The following NR2C1 variants were observed in gnomAD, a reference collection of about 807,000 sequenced individuals.
NR2C1 encodes the protein TR2 nuclear hormone receptor.
In NR2C1, 33 loss-of-function variants were observed where a neutral mutation model predicts 74.8. That is an observed-to-expected ratio of 0.44 (90% confidence interval 0.33 to 0.59). The LOEUF (loss-of-function observed/expected upper bound fraction) is 0.59. NR2C1 is among the 20% of genes least tolerant of loss of function. The probability of loss-of-function intolerance (pLI) is 0.02; values close to 1 mark genes in which losing one functional copy is unlikely to be tolerated. For synonymous variants in NR2C1, 225 were observed against 240.6 expected, an observed-to-expected ratio of 0.94 and a Z score of 0.60; for missense variants, 568 against 715.6, an observed-to-expected ratio of 0.79 and a Z score of 2.35.
chr12:95,070,075 G>A (rs1490168052), intron 1 of NR2C1, among the ~76,000 whole-genome samples: 1 of 152,180 alleles, frequency 6.6e-6, no homozygotes, highest in Non-Finnish European at 1.5e-5. Context: ...GATCCAGCCT[G>A]ATAAACTGGC....
chr12:95,058,618 A>G (rs1450593311), intron 4 of NR2C1, 129 bp from the exon 5 acceptor site: 7 of 721,324 alleles, frequency 9.7e-6, no homozygotes, highest in Non-Finnish European at 1.6e-5. Context: ...CATGAAAAAC[A>G]TTTTTAGAAG....
At chr12:95,060,811 C>A (rs909954752) in intron 3 of NR2C1, among the ~76,000 whole-genome samples, 28 of 152,176 alleles carry the variant, frequency 1.8e-4, no homozygotes, top group African/African-American at 6.5e-4. Flanking sequence ...AGGAATACTT[C>A]TGATTTTATG....
intron 1 of NR2C1, chr12:95,072,631 C>T (rs546367428): frequency 4.6e-5 from 7 of 152,080 alleles, no homozygotes; most frequent in African/African-American, 1.4e-4. Context: ...TAAAGGCTGA[C>T]CTACTTACTG....
intron 1 of NR2C1, among the ~76,000 whole-genome samples, chr12:95,072,199 C>T (rs1305933512): frequency 6.6e-6 from 1 of 150,646 alleles, no homozygotes; most frequent in African/African-American, 2.4e-5. Flanking sequence ...GGATCAGAGG[C>T]GGGTACATCA....
At chr12:95,053,965 G>A (rs1873459672) in intron 7 of NR2C1, among the ~76,000 whole-genome samples, 1 of 152,172 alleles carries the variant, frequency 6.6e-6, no homozygotes, top group African/African-American at 2.4e-5. Context: ...TTACAGGCGT[G>A]AGCCACTGTG....
chr12:95,069,893 A>T (rs1876330328), intron 1 of NR2C1, among the ~76,000 whole-genome samples: 1 of 152,050 alleles, frequency 6.6e-6, no homozygotes, highest in Admixed American at 6.6e-5. Context: ...TACACCTTTC[A>T]GTTGATTGAG....
At chr12:95,037,894 CA>C (rs988473049) in intron 10 of NR2C1, among the ~76,000 whole-genome samples, 13,731 of 66,996 alleles carry the variant, frequency 0.2, 418 homozygotes, top group East Asian at 0.26. Context: ...GCCTCCATCT[CA>C]AAAAAAAAAA....
intron 10 of NR2C1, among the ~76,000 whole-genome samples, chr12:95,034,773 G>GT: frequency 6.6e-6 from 1 of 152,168 alleles, no homozygotes; most frequent in East Asian, 1.9e-4. Flanking sequence ...TGCTATACAG[G>GT]TTTGTCCTAG....
Position 95,037,757 on chromosome 12 carries a change from T to C in NR2C1, c.1253+2719A>G, listed in dbSNP as rs1871035979. On this transcript the variant is annotated intron_variant, in intron 10 of 13. Coordinates refer to ENST00000333003, the MANE Select transcript of NR2C1 (RefSeq NM_003297.4). ...AAAAATACAAAAAATTAGCCGGGTG[T>C]GGTTGCAGGTGCCTGTAGTCCCAGC... Among the ~76,000 whole-genome samples the C allele has an allele frequency of 3.9e-5, 6 of 152,192 alleles. No homozygotes were observed. In the South Asian group the frequency reaches 1.2e-3, roughly 32 times the overall value.
chr12:95,030,548 G>C (rs1463455100), intron 11 of NR2C1: 55 of 1,611,718 alleles, frequency 3.4e-5, no homozygotes, highest in Non-Finnish European at 4.5e-5. Context: ...CCAGGGGTAG[G>C]AGTCCATAAG....
intron 1 of NR2C1, among the ~76,000 whole-genome samples, chr12:95,071,391 G>A (rs1349785498): frequency 6.6e-6 from 1 of 152,178 alleles, no homozygotes; most frequent in Non-Finnish European, 1.5e-5. Context: ...AAGACTTCAA[G>A]AGGCTGTAGA....
chr12:95,060,506 T>C (rs552037666), intron 3 of NR2C1, among the ~76,000 whole-genome samples: 1 of 151,948 alleles, frequency 6.6e-6, no homozygotes, highest in South Asian at 2.1e-4. Flanking sequence ...ATACAAAAAA[T>C]TAGCTGGGTG....
At chr12:95,071,219 A>AT (rs1223360647) in intron 1 of NR2C1, among the ~76,000 whole-genome samples, 41 of 150,980 alleles carry the variant, frequency 2.7e-4, no homozygotes, top group Non-Finnish European at 4.6e-4. Flanking sequence ...AAAAAAAAAA[A>AT]TTTTGATTCA....
intron 13 of NR2C1, 61 bp from the exon 14 acceptor site, chr12:95,022,464 G>T (rs77259832): frequency 0.016 from 21,215 of 1,297,192 alleles, 209 homozygotes; most frequent in Middle Eastern, 0.028. Flanking sequence ...AAATTTAGTA[G>T]AAAAATATGA....
In NR2C1 at chr12:95,057,725, C is replaced by G. The variant is rs375051771; in HGVS notation, c.692+6G>C. On this transcript the variant is annotated splice_donor_region_variant and intron_variant, in intron 6 of 13. Coordinates refer to ENST00000333003, the MANE Select transcript of NR2C1 (RefSeq NM_003297.4). ...GACCAGCTACTCAGTGTCTGTTTTA[C>G]TTTACCTTGTACTTTCACTATCTGT... 6.2e-7 allele frequency: 1 copy of G among 1,613,660 alleles called. No homozygotes were observed. Among genetic ancestry groups the G allele is most frequent in the East Asian group, 2.2e-5 (1 of 44,848 alleles).
intron 1 of NR2C1, among the ~76,000 whole-genome samples, chr12:95,069,942 T>G (rs1370693816): frequency 6.6e-6 from 1 of 152,050 alleles, no homozygotes; most frequent in African/African-American, 2.4e-5. Context: ...GACCCTGGGA[T>G]AGGATAATAA....
At chr12:95,066,437 C>T (rs186478364) in intron 2 of NR2C1, among the ~76,000 whole-genome samples, 84 of 152,268 alleles carry the variant, frequency 5.5e-4, no homozygotes, top group African/African-American at 1.9e-3. Flanking sequence ...CATATACATA[C>T]ATACATATAT....
At chr12:95,066,335 C>T (rs996412839) in intron 2 of NR2C1, among the ~76,000 whole-genome samples, 4 of 152,030 alleles carry the variant, frequency 2.6e-5, no homozygotes, top group African/African-American at 7.2e-5. Flanking sequence ...AACCCTGTTG[C>T]TACAAAATAT....
chr12:95,028,250 TA>T, intron 12 of NR2C1, 136 bp downstream of exon 12: 3 of 653,718 alleles, frequency 4.6e-6, no homozygotes, highest in Non-Finnish European at 5.1e-6. Context: ...ACTCCATGTT[TA>T]ACCTTTTGAA....
Sources: gnomAD v4.1 joint callset for allele counts (sites outside exome capture counted in the v4.1 genomes callset) on GRCh38, gnomAD v4.1.1 for gene constraint, MANE v1.5 for transcripts, NCBI Gene and HGNC (gene_info 2026-07-23, HGNC 2026-07-21) for gene names.